Variants in MIEF1 observed in about 807,000 individuals in gnomAD.
MIEF1 encodes mitochondrial dynamics protein MIEF1.
MIEF1 carries 14 observed loss-of-function variants against 35.1 expected under a neutral mutation model. The ratio of observed to expected loss-of-function variants is 0.40; its 90% CI spans 0.26 to 0.62. MIEF1 has a LOEUF of 0.62. Among genes scored for constraint, MIEF1 ranks in the 20% least tolerant of loss-of-function variants. The pLI is 0.43. For missense variants in MIEF1, 542 were observed against 615.4 expected (o/e 0.88, Z 1.26); for synonymous variants, 245 against 254.3 (o/e 0.96, Z 0.35).
chr22:39,507,573 A>G (rs141149182), intron 2 of MIEF1, among the ~76,000 whole-genome samples: 172 of 151,360 alleles, frequency 1.1e-3, no homozygotes, highest in African/African-American at 4.0e-3. Flanking sequence ...GGCCCAACTT[A>G]ATAGTTTTGA....
chr22:39,506,732 T>A, intron 2 of MIEF1, among the ~76,000 whole-genome samples: 1 of 152,234 alleles, frequency 6.6e-6, no homozygotes, highest in Non-Finnish European at 1.5e-5. Context: ...ATTAGGGTGA[T>A]GAGCATTTCT....
chr22:39,509,633 G>A (rs1002758712), intron 2 of MIEF1: 3 of 152,218 alleles, frequency 2.0e-5, no homozygotes, highest in Non-Finnish European at 4.4e-5. Flanking sequence ...TTGTTTTCCA[G>A]TTAGCAGTCG....
chr22:39,511,789 A>G, intron 3 of MIEF1, 60 bp from the exon 4 acceptor site: 2 of 1,534,092 alleles, frequency 1.3e-6, no homozygotes, highest in South Asian at 1.2e-5. Flanking sequence ...GAGGAAGTAA[A>G]TTGGAAGGAA....
chr22:39,503,286 A>C (rs1929846797), intron 1 of MIEF1: 1 of 152,152 alleles, frequency 6.6e-6, no homozygotes. Flanking sequence ...AAAATGGGGT[A>C]ATGTTGACCC....
Position 39,508,713 on chromosome 22 carries a change from C to T in MIEF1, c.-7-2575C>T, listed in dbSNP as rs140177473. 6.5e-3 allele frequency among the ~76,000 whole-genome samples: 994 copies of T among 152,162 alleles called. 8 individuals are homozygous for T. Among genetic ancestry groups the T allele is most frequent in the African/African-American group, 0.023 (953 of 41,518 alleles). On this transcript the variant is annotated intron_variant, in intron 2 of 5. Coordinates refer to ENST00000325301, the MANE Select transcript of MIEF1 (RefSeq NM_019008.6). Reference sequence around the variant, plus strand: ...TGAGGTGGGAATGTACTCGGTTTGGCGAAATAGTCTTTCATGTCCCTAAAC... The same window carrying T: ...TGAGGTGGGAATGTACTCGGTTTGGTGAAATAGTCTTTCATGTCCCTAAAC...
chr22:39,514,265 A>T lies in MIEF1; in HGVS notation c.1334A>T (p.Glu445Val). 6.2e-7 allele frequency: 1 copy of T among 1,614,166 alleles called. No homozygotes were observed. Among genetic ancestry groups the T allele is most frequent in the Non-Finnish European group, 8.5e-7 (1 of 1,180,038 alleles). ...GAGCTCACCCCTGAAGAAATAGACG[A>T]ATTAGGATACACTCTGTATTGCTCA... ...FAELTPEEID[E>V]LGYTLYCSLS... Residue 445 changes from glutamate (E) to valine (V), a missense_variant, in exon 6 of 6, where the codon GAA becomes GTA. Coordinates refer to ENST00000325301, the MANE Select transcript of MIEF1 (RefSeq NM_019008.6).
chr22:39,505,692 G>C (rs1015724569), intron 2 of MIEF1, among the ~76,000 whole-genome samples: 2 of 152,146 alleles, frequency 1.3e-5, no homozygotes, highest in African/African-American at 4.8e-5. Flanking sequence ...TTGTATCGTA[G>C]AGGGAGCATA....
chr22:39,511,303 C>G lies in MIEF1; in HGVS notation c.9C>G (p.Gly3=). The G allele has an allele frequency of 6.2e-7, 1 of 1,613,676 alleles. No individual in the cohort carries two copies. Among genetic ancestry groups the G allele is most frequent in the Admixed American group, 1.7e-5 (1 of 59,922 alleles). ...TCATTCTCAGATGAGCAATGGCAGGCGCTGGTGAGCGCAAAGGCAAGAAGG... is the reference window on the plus strand; with the variant it reads ...TCATTCTCAGATGAGCAATGGCAGGGGCTGGTGAGCGCAAAGGCAAGAAGG... The part of the protein sequence containing the change: MA[G]AGERKGKKDD... Residue 3 remains glycine (G), a synonymous_variant, in exon 3 of 6, where the codon GGC becomes GGG. Transcript: ENST00000325301.
upstream of MIEF1, chr22:39,502,105 C>T (rs989962522): frequency 6.6e-6 from 1 of 152,344 alleles, no homozygotes; most frequent in Non-Finnish European, 1.5e-5. Flanking sequence ...TCGGGACCAC[C>T]CCGGTACCCA....
At position 39,509,121 on chromosome 22, in the gene MIEF1, A is replaced by AT. The variant is rs397766211; in HGVS notation, c.-7-2161dup. On this transcript the variant is annotated intron_variant, in intron 2 of 5. Transcript: ENST00000325301. ...AGGCATGCACCATCATGCCTGGCTAATTTTTTGTATTTTTAGTAGAGATGG... is the reference window on the plus strand; with the variant it reads ...AGGCATGCACCATCATGCCTGGCTAATTTTTTTGTATTTTTAGTAGAGATGG... 8.4e-3 allele frequency among the ~76,000 whole-genome samples: 1,270 copies of AT among 151,830 alleles called. 18 individuals carry two copies. The highest frequency in any genetic ancestry group is 0.03 in the African/African-American group (1,235 of 41,344).
At chr22:39,504,586 C>T (rs771260574) in intron 2 of MIEF1, 52 bp downstream of exon 2, 12 of 394,478 alleles carry the variant, frequency 3.0e-5, no homozygotes, top group Non-Finnish European at 4.9e-5. Flanking sequence ...TGCAAGGGAC[C>T]GAGAAAAGGA....
chr22:39,511,990 C>G lies in MIEF1; in HGVS notation c.286C>G (p.Gln96Glu). The change falls in exon 4 of 6, where the codon CAG (glutamine) becomes GAG (glutamate). Residue 96 changes from glutamine (Q) to glutamate (E), a missense_variant. Gln to Glu is a conservative substitution (Grantham distance 29, BLOSUM62 2). Transcript: ENST00000325301. ...GAAGACGGGCCTGAGCCGGTCCTTG[C>G]AGACCCTTCCCACAGACTCCTCCAC... ...DMKTGLSRSLQTLPTDSSTFD... is the reference protein window; with the variant it reads ...DMKTGLSRSLETLPTDSSTFD... The G allele has an allele frequency of 6.2e-7, 1 of 1,613,936 alleles. No homozygotes were observed. The highest frequency in any genetic ancestry group is 1.7e-5 in the Admixed American group (1 of 60,024).
At chr22:39,505,399 C>G (rs1345350303) in intron 2 of MIEF1, among the ~76,000 whole-genome samples, 2 of 151,940 alleles carry the variant, frequency 1.3e-5, no homozygotes, top group Admixed American at 1.3e-4. Flanking sequence ...GCTATGTTGC[C>G]CAGGCTGCTT....
intron 3 of MIEF1, 27 bp from the exon 4 acceptor site, chr22:39,511,822 T>C: frequency 1.9e-6 from 3 of 1,593,022 alleles, no homozygotes; most frequent in Non-Finnish European, 1.7e-6. Flanking sequence ...GGCAGGTTTA[T>C]GTCCTGTGTC....
chr22:39,513,430 A>T, intron 5 of MIEF1, 87 bp from the exon 6 acceptor site: 2 of 1,325,532 alleles, frequency 1.5e-6, no homozygotes, highest in East Asian at 2.3e-5. Context: ...GCTGGGGGGG[A>T]ATGTAAGATG....
At position 39,514,412 on chromosome 22, in the gene MIEF1, T is replaced by C; in HGVS notation, c.*89T>C. The C allele has an allele frequency of 7.5e-7, 1 of 1,335,698 alleles. No homozygotes were observed. The highest frequency in any genetic ancestry group is 1.0e-6 in the Non-Finnish European group (1 of 954,220). 82.7% of individuals were successfully genotyped at this position (1,335,698 alleles called of 1,614,324 possible). A position where few individuals can be genotyped will look rare whatever the true frequency, so the allele number is the denominator to read the frequency against. ...GCTACCTAGTTGGTGCCTCACAGGGTTCCTGCTGCCTGGTGTCTTGCTGAT... is the reference window on the plus strand; with the variant it reads ...GCTACCTAGTTGGTGCCTCACAGGGCTCCTGCTGCCTGGTGTCTTGCTGAT... On this transcript the variant is annotated 3_prime_UTR_variant, in exon 6 of 6. Coordinates refer to ENST00000325301, the MANE Select transcript of MIEF1 (RefSeq NM_019008.6).
In MIEF1 at chr22:39,513,886, G is replaced by A. The variant is rs143931307; in HGVS notation, c.955G>A (p.Gly319Ser). The A allele has an allele frequency of 9.4e-5, 152 of 1,613,946 alleles. 1 individual carries two copies. In the South Asian group the frequency reaches 9.4e-4, roughly 10 times the overall value. ...TGACTTCCTGCCATCAGTGACCCTC[G>A]GTGACACAGTCTTGGTGGCCAAACC... is the stretch of plus-strand genomic sequence containing the variant. ...FIDFLPSVTL[G>S]DTVLVAKPHR... Residue 319 changes from glycine (G) to serine (S), a missense_variant, in exon 6 of 6, where the codon GGT (glycine) becomes AGT (serine). Gly to Ser is a moderately conservative substitution (Grantham distance 56, BLOSUM62 0). Coordinates refer to ENST00000325301, the MANE Select transcript of MIEF1 (RefSeq NM_019008.6).
chr22:39,509,283 G>A (rs1930215016), intron 2 of MIEF1: 1 of 152,234 alleles, frequency 6.6e-6, no homozygotes, highest in Non-Finnish European at 1.5e-5. Context: ...CTCCCATTCT[G>A]GGACGCTAAA....
intron 2 of MIEF1, among the ~76,000 whole-genome samples, chr22:39,507,267 T>C (rs537694219): frequency 2.6e-4 from 39 of 152,130 alleles, no homozygotes; most frequent in East Asian, 2.5e-3. Context: ...TTTCTTGAGA[T>C]GGAGTCTTGC....
Sources: allele counts gnomAD v4.1 joint callset (sites outside exome capture counted in the v4.1 genomes callset), GRCh38; gene constraint gnomAD v4.1.1; transcripts MANE v1.5; gene names NCBI Gene and HGNC (gene_info 2026-07-23, HGNC 2026-07-21).